The following DPP6 variants were observed in gnomAD, a reference collection of about 807,000 sequenced individuals.
The protein encoded by DPP6 is A-type potassium channel modulatory protein DPP6.
DPP6 carries 69 observed loss-of-function variants against 122.6 expected under a neutral mutation model. The ratio of observed to expected loss-of-function variants is 0.56; its 90% CI spans 0.46 to 0.69. The LOEUF (loss-of-function observed/expected upper bound fraction) is 0.69. DPP6 is among the 30% of genes least tolerant of loss of function. The pLI is 0.00. For synonymous variants in DPP6, 418 were observed against 433.1 expected, an observed-to-expected ratio of 0.97 and a Z score of 0.43; for missense variants, 928 against 1,116.9, an observed-to-expected ratio of 0.83 and a Z score of 2.41.
At chr7:154,792,152 C>A (rs1476246523) in intron 10 of DPP6, among the ~76,000 whole-genome samples, 1 of 152,238 alleles carries the variant, frequency 6.6e-6, no homozygotes, top group Non-Finnish European at 1.5e-5. Context: ...TGATTGCATG[C>A]AGACGAAATG....
intron 10 of DPP6, among the ~76,000 whole-genome samples, chr7:154,791,784 G>A (rs141536278): frequency 6.6e-5 from 10 of 152,336 alleles, no homozygotes; most frequent in Non-Finnish European, 1.5e-4. Flanking sequence ...CGCGGGCCAT[G>A]TCACTGCTGT....
At chr7:154,666,838 A>G (rs1052756475) in intron 6 of DPP6, among the ~76,000 whole-genome samples, 12 of 152,220 alleles carry the variant, frequency 7.9e-5, no homozygotes, top group African/African-American at 2.7e-4. Context: ...TTTGAGGTGA[A>G]TTCTCTAGGA....
At chr7:154,843,347 T>G (rs1801705255) in intron 16 of DPP6, among the ~76,000 whole-genome samples, 1 of 152,192 alleles carries the variant, frequency 6.6e-6, no homozygotes, top group Non-Finnish European at 1.5e-5. Context: ...GTTCCAAGAC[T>G]AGACCTAAAC....
intron 5 of DPP6, among the ~76,000 whole-genome samples, chr7:154,584,400 G>A (rs56965416): frequency 0.6 from 90,720 of 152,118 alleles, 29,379 homozygotes; most frequent in Non-Finnish European, 0.72. Context: ...CACTGCTGAC[G>A]GTTTTCCGAT....
intron 1 of DPP6, among the ~76,000 whole-genome samples, chr7:154,015,325 G>A (rs1231406703): frequency 6.6e-6 from 1 of 152,002 alleles, no homozygotes; most frequent in Non-Finnish European, 1.5e-5. Context: ...AGTCTTATCT[G>A]CCTGCCCTCT....
rs1414013521 is a variant in DPP6 at position 153,966,115 on chromosome 7, A to G, written c.51+78381A>G. Among the ~76,000 whole-genome samples, 137 of 107,494 alleles carry G rather than the reference A, an allele frequency of 1.3e-3. 1 individual carries two copies. Among genetic ancestry groups the G allele is most frequent in the Non-Finnish European group, 2.0e-3 (103 of 50,912 alleles). 70.5% of individuals were successfully genotyped at this position (107,494 alleles called of 152,430 possible). A position where few individuals can be genotyped will look rare whatever the true frequency, so the allele number is the denominator to read the frequency against. On this transcript the variant is annotated intron_variant, in intron 1 of 25. Transcript: ENST00000404039. ...TGTGGAAGATGAAGGAGAGGGTGGAATCAAAGACGAATCATGAAAGCGACC... is the reference window on the plus strand; with the variant it reads ...TGTGGAAGATGAAGGAGAGGGTGGAGTCAAAGACGAATCATGAAAGCGACC...
intron 1 of DPP6, among the ~76,000 whole-genome samples, chr7:153,952,808 G>C (rs142120604): frequency 4.5e-4 from 68 of 152,262 alleles, no homozygotes; most frequent in African/African-American, 1.5e-3. Flanking sequence ...TTCAGTTATA[G>C]CAATTTATAG....
At chr7:154,612,181 T>C (rs980164877) in intron 5 of DPP6, among the ~76,000 whole-genome samples, 2 of 152,136 alleles carry the variant, frequency 1.3e-5, no homozygotes, top group Non-Finnish European at 2.9e-5. Context: ...AGCCAATAGA[T>C]CTCTGTTCAT....
the DPP6 span, among the ~76,000 whole-genome samples, chr7:153,878,027 G>T: frequency 6.6e-6 from 1 of 152,116 alleles, no homozygotes; most frequent in Admixed American, 6.5e-5. Flanking sequence ...CCTTTTCACT[G>T]TCATTAGTTT....
At chr7:154,778,684 C>T (rs529872202) in intron 10 of DPP6, among the ~76,000 whole-genome samples, 33 of 151,464 alleles carry the variant, frequency 2.2e-4, no homozygotes, top group Admixed American at 7.2e-4. Context: ...CCACCTTCAC[C>T]ACCAGCTCCA....
chr7:154,051,925 C>T (rs1800354614), upstream of DPP6, among the ~76,000 whole-genome samples: 1 of 151,832 alleles, frequency 6.6e-6, no homozygotes, highest in African/African-American at 2.4e-5. Flanking sequence ...CCATTCGCAC[C>T]CCAGGTCCTC....
intron 17 of DPP6, 135 bp downstream of exon 17, chr7:154,853,962 G>A (rs1164151835): frequency 1.7e-6 from 2 of 1,210,066 alleles, no homozygotes; most frequent in Non-Finnish European, 2.3e-6. Flanking sequence ...GTTCAGAATA[G>A]GCCATGCTGA....
At chr7:153,977,190 C>T (rs1344488614) in intron 1 of DPP6, among the ~76,000 whole-genome samples, 2 of 108,668 alleles carry the variant, frequency 1.8e-5, no homozygotes, top group Non-Finnish European at 3.9e-5. Context: ...TAAGTAGGTA[C>T]CAATAGGGGT....
intron 1 of DPP6, among the ~76,000 whole-genome samples, chr7:153,918,704 G>A (rs954542357): frequency 4.6e-5 from 7 of 152,002 alleles, no homozygotes; most frequent in East Asian, 3.9e-4. Context: ...TTACAGCCGG[G>A]CATGGTGGCT....
chr7:154,801,004 G>T lies in DPP6; in HGVS notation c.1300-351G>T, dbSNP rs1473228971. Among the ~76,000 whole-genome samples the T allele has an allele frequency of 2.0e-5, 3 of 152,104 alleles. No homozygotes were observed. In the East Asian group the frequency reaches 5.8e-4, roughly 30 times the overall value. ...CAATGGGCAATAATTCAAGGAGGAA[G>T]CACCTCCTTTTGAGTTTTGAGAGCA... On this transcript the variant is annotated intron_variant, in intron 12 of 25. Transcript: ENST00000377770.
At chr7:154,280,944 T>A (rs2150949913) in intron 1 of DPP6, among the ~76,000 whole-genome samples, 1 of 152,254 alleles carries the variant, frequency 6.6e-6, no homozygotes, top group East Asian at 1.9e-4. Context: ...GGTAGAGATA[T>A]ATAACTGTTA....
intron 6 of DPP6, among the ~76,000 whole-genome samples, chr7:154,658,197 T>C (rs1289086111): frequency 6.6e-6 from 1 of 152,188 alleles, no homozygotes; most frequent in Admixed American, 6.5e-5. Context: ...TAATAATGTT[T>C]CAATATTGGT....
chr7:154,403,402 C>T lies in DPP6; in HGVS notation c.244-42812C>T, dbSNP rs1815810072. On this transcript the variant is annotated intron_variant, in intron 1 of 25. Coordinates refer to ENST00000377770, the MANE Select transcript of DPP6 (RefSeq NM_130797.4). This position sits in a 1 kb window ranked among gnomAD's most constrained non-coding sequence, Gnocchi z 4.1. ...TGAGGACTGGAGTTGCGGTAGATGC[C>T]TCCTGGGTGTTGAAGAGTCCGAAGG... 1.3e-5 allele frequency among the ~76,000 whole-genome samples: 2 copies of T among 152,192 alleles called. No individual in the cohort carries two copies. The highest frequency in any genetic ancestry group is 2.9e-5 in the Non-Finnish European group (2 of 68,046).
At chr7:153,845,374 T>C in the DPP6 span, among the ~76,000 whole-genome samples, 1 of 152,046 alleles carries the variant, frequency 6.6e-6, no homozygotes, top group Non-Finnish European at 1.5e-5. Flanking sequence ...ATAACTCTTT[T>C]GTCTGACATT....
Sources: gnomAD v4.1 joint callset for allele counts (sites outside exome capture counted in the v4.1 genomes callset) on GRCh38, gnomAD v4.1.1 for gene constraint, Gnocchi (gnomAD v3.1) non-coding constraint, MANE v1.5 for transcripts, NCBI Gene and HGNC (gene_info 2026-07-23, HGNC 2026-07-21) for gene names.